The following CTIF variants were observed in gnomAD, a reference collection of about 807,000 sequenced individuals.
CTIF encodes cap binding complex dependent translation initiation factor, also known as CBP80/20-dependent translation initiation factor.
CTIF carries 21 observed loss-of-function variants against 66.0 expected under a neutral mutation model. The observed-to-expected ratio is 0.32, with a 90% CI of 0.23 to 0.46. The LOEUF (loss-of-function observed/expected upper bound fraction) is 0.46. Ranked by LOEUF, CTIF falls within the 20% of genes least tolerant of loss-of-function variation. The pLI is 1.00. For missense variants in CTIF, 739 were observed against 812.7 expected, an observed-to-expected ratio of 0.91 and a Z score of 1.10; for synonymous variants, 345 against 326.4, an observed-to-expected ratio of 1.06 and a Z score of -0.62.
chr18:48,739,940 A>G (rs1320187113), intron 7 of CTIF, among the ~76,000 whole-genome samples: 3 of 152,164 alleles, frequency 2.0e-5, no homozygotes, highest in East Asian at 3.8e-4. Context: ...TGTGGGGTCT[A>G]CCAGGCTATT....
At chr18:48,794,565 G>C (rs1271412391) in intron 9 of CTIF, among the ~76,000 whole-genome samples, 3 of 152,210 alleles carry the variant, frequency 2.0e-5, no homozygotes. Context: ...GTAGCCAACT[G>C]CCTGAGGTGG....
intron 10 of CTIF, among the ~76,000 whole-genome samples, chr18:48,824,246 A>G (rs761958030): frequency 6.6e-6 from 1 of 152,200 alleles, no homozygotes; most frequent in Non-Finnish European, 1.5e-5. Flanking sequence ...ACAAATGGAA[A>G]AACATCCCAT....
At chr18:48,643,690 T>C (rs972477615) in intron 3 of CTIF, among the ~76,000 whole-genome samples, 1 of 151,286 alleles carries the variant, frequency 6.6e-6, no homozygotes, top group Non-Finnish European at 1.5e-5. Context: ...CAGGGGAGAG[T>C]GAGACTGACA....
At position 48,589,536 on chromosome 18, in the gene CTIF, A is replaced by C. The variant is rs145697726; in HGVS notation, c.-28-30002A>C. Among the ~76,000 whole-genome samples the C allele has an allele frequency of 3.5e-4, 53 of 152,272 alleles. 2 individuals are homozygous for C. The highest frequency in any genetic ancestry group is 1.3e-3 in the African/African-American group (53 of 41,554). On this transcript the variant is annotated intron_variant, in intron 1 of 11. Transcript: ENST00000256413. ...AAGGCCACATTCACAGGTCCTAGGG[A>C]CTAGGGGTCCAACATGCCTTTTAGG...
intron 1 of CTIF, among the ~76,000 whole-genome samples, chr18:48,614,875 GT>G (rs530362980): frequency 1.3e-5 from 2 of 151,482 alleles, no homozygotes; most frequent in East Asian, 1.9e-4. Context: ...TTGGTTGGTT[GT>G]TTTTTTTGTT....
chr18:48,618,865 C>T (rs1197838254), intron 1 of CTIF, among the ~76,000 whole-genome samples: 1 of 152,184 alleles, frequency 6.6e-6, no homozygotes, highest in Non-Finnish European at 1.5e-5. Context: ...GTGGCTAGGC[C>T]ATATCAGCAT....
chr18:48,581,010 G>T (rs1032425870), intron 1 of CTIF, among the ~76,000 whole-genome samples: 2 of 152,204 alleles, frequency 1.3e-5, no homozygotes, highest in African/African-American at 4.8e-5. Flanking sequence ...AGTACTGCCC[G>T]GGGGCTGTCT....
rs138570532 is a variant in CTIF, at chr18:48,601,942, T to C, written c.-28-17596T>C. On this transcript the variant is annotated intron_variant, in intron 1 of 11. Coordinates refer to ENST00000256413, the MANE Select transcript of CTIF (RefSeq NM_014772.3). ...TGTGGGTATGTTTCCTCACCTATAA[T>C]ATGAAGAATTGGCTTGCTCGTTTCA... Among the ~76,000 whole-genome samples the C allele has an allele frequency of 7.2e-5, 11 of 152,350 alleles. No homozygotes were observed. In the East Asian group the frequency reaches 1.9e-3, roughly 27 times the overall value.
rs1337131969 is a variant in CTIF, at chr18:48,642,334, G to T, written c.252+5649G>T. On this transcript the variant is annotated intron_variant, in intron 3 of 11. Transcript: ENST00000256413. ...TGGTTCAGTTGGTCTCTGTGGGTAG[G>T]GAGGTGTCTTGCAGGACATGAGGCC... Among the ~76,000 whole-genome samples the T allele has an allele frequency of 7.2e-5, 11 of 152,334 alleles. 1 individual carries two copies. In the South Asian group the frequency reaches 2.3e-3, roughly 32 times the overall value.
At chr18:48,660,691 C>T (rs2091326934) in intron 3 of CTIF, among the ~76,000 whole-genome samples, 1 of 152,252 alleles carries the variant, frequency 6.6e-6, no homozygotes, top group African/African-American at 2.4e-5. Flanking sequence ...TTGGCCCCCT[C>T]ACAGCTGCTG....
At chr18:48,768,318 G>A (rs941877820) in intron 9 of CTIF, among the ~76,000 whole-genome samples, 12 of 152,164 alleles carry the variant, frequency 7.9e-5, no homozygotes, top group African/African-American at 2.9e-4. Flanking sequence ...CCAGCTCCTG[G>A]CTTCATGGTT....
chr18:48,713,898 CAG>C (rs1363184392), intron 7 of CTIF, among the ~76,000 whole-genome samples: 1 of 152,232 alleles, frequency 6.6e-6, no homozygotes, highest in Non-Finnish European at 1.5e-5. Flanking sequence ...TGCCTGAACA[CAG>C]AGCGTGTGCT....
At chr18:48,750,419 C>T (rs1244793842) in intron 7 of CTIF, among the ~76,000 whole-genome samples, 1 of 152,248 alleles carries the variant, frequency 6.6e-6, no homozygotes, top group African/African-American at 2.4e-5. Context: ...TTCCCTTGGC[C>T]TTCTGTGCTG....
At chr18:48,720,506 AT>A in intron 7 of CTIF, among the ~76,000 whole-genome samples, 1 of 152,280 alleles carries the variant, frequency 6.6e-6, no homozygotes, top group African/African-American at 2.4e-5. Flanking sequence ...AATTGCCCTC[AT>A]TAAGTCCCTG....
At chr18:48,764,205 A>T (rs1263448875) in intron 9 of CTIF, among the ~76,000 whole-genome samples, 1 of 152,180 alleles carries the variant, frequency 6.6e-6, no homozygotes, top group East Asian at 1.9e-4. Flanking sequence ...AGCACCTCTC[A>T]TCCTGCAGCC....
chr18:48,845,029 C>G (rs2069037991), intron 10 of CTIF, among the ~76,000 whole-genome samples: 1 of 152,100 alleles, frequency 6.6e-6, no homozygotes, highest in Non-Finnish European at 1.5e-5. Flanking sequence ...ACCAGATTCC[C>G]AGACCATTCT....
chr18:48,818,860 T>A (rs1247751226), intron 10 of CTIF, among the ~76,000 whole-genome samples: 4 of 152,000 alleles, frequency 2.6e-5, no homozygotes, highest in Non-Finnish European at 4.4e-5. Flanking sequence ...GCCCTGGGTG[T>A]CAGCGGAGGT....
At chr18:48,727,059 G>A (rs1228496010) in intron 7 of CTIF, among the ~76,000 whole-genome samples, 1 of 143,844 alleles carries the variant, frequency 7.0e-6, no homozygotes, top group East Asian at 2.0e-4. Flanking sequence ...ATTTAAGGAG[G>A]CAAGTTAGCT....
chr18:48,761,046 A>C lies in CTIF; in HGVS notation c.1072-344A>C. 5.2e-6 allele frequency: 1 copy of C among 193,214 alleles called. No individual in the cohort carries two copies. Among genetic ancestry groups the C allele is most frequent in the Non-Finnish European group, 1.0e-5 (1 of 95,280 alleles). 12.0% of individuals were successfully genotyped at this position (193,214 alleles called of 1,614,324 possible). On this transcript the variant is annotated intron_variant, in intron 8 of 11. Coordinates refer to ENST00000256413, the MANE Select transcript of CTIF (RefSeq NM_014772.3). This position sits in a 1 kb window ranked among gnomAD's most constrained non-coding sequence, Gnocchi z 4.2. ...TCTTTGGCCCGATTTCATATTTGTT[A>C]TCTTATTTCCTCTTTCATAATTTCC...
Sources: allele counts gnomAD v4.1 joint callset (sites outside exome capture counted in the v4.1 genomes callset), GRCh38; gene constraint gnomAD v4.1.1; non-coding constraint Gnocchi (gnomAD v3.1); transcripts MANE v1.5; gene names NCBI Gene and HGNC (gene_info 2026-07-23, HGNC 2026-07-21).